PCED1A: variants seen among roughly 807,000 people sequenced by gnomAD.
PCED1A encodes the protein PC-esterase domain containing 1A.
A neutral mutation model predicts 41.9 loss-of-function variants in PCED1A; 20 were observed. The ratio of observed to expected loss-of-function variants is 0.48; its 90% CI spans 0.34 to 0.69. The LOEUF is 0.69. PCED1A is among the 30% of genes least tolerant of loss of function. PCED1A has a pLI of 0.01. For synonymous variants in PCED1A, 236 were observed against 241.3 expected, an observed-to-expected ratio of 0.98 and a Z score of 0.20; for missense variants, 498 against 602.1, an observed-to-expected ratio of 0.83 and a Z score of 1.81.
At chr20:2,837,020 C>CCT (rs2088846909) in intron 6 of PCED1A, among the ~76,000 whole-genome samples, 1 of 152,128 alleles carries the variant, frequency 6.6e-6, no homozygotes, top group African/African-American at 2.4e-5. Context: ...TTCCAAAGAA[C>CCT]CTCAAATCAA....
Position 2,836,298 on chromosome 20 carries a change from GT to G in PCED1A, c.857del (p.Asp286AlafsTer5). Reference protein sequence around the residue: ...RGYPPDPWIEDWAEMNHPFQG... With the variant: ...RGYPPDPWIEXWAEMNHPFQG... ...GGAATGGATGATTCATCTCTGCCCA[GT>G]CCTCAATCCACGGGTCTAGGAATGG... On this transcript the variant is annotated frameshift_variant, in exon 7 of 8. Transcript: ENST00000360652. LOFTEE classifies it high-confidence loss of function. 6.2e-7 allele frequency: 1 copy of G among 1,614,134 alleles called. No homozygotes were observed. Among genetic ancestry groups the G allele is most frequent in the South Asian group, 1.1e-5 (1 of 91,074 alleles).
At chr20:2,837,464 A>G (rs1015822629) in intron 6 of PCED1A, among the ~76,000 whole-genome samples, 2 of 152,214 alleles carry the variant, frequency 1.3e-5, no homozygotes, top group Non-Finnish European at 2.9e-5. Context: ...TGCAGCAGGA[A>G]ACTTGCCCTT....
upstream of PCED1A, chr20:2,840,692 C>A (rs1288539333): frequency 2.8e-6 from 4 of 1,454,430 alleles, no homozygotes; most frequent in Non-Finnish European, 2.8e-6. Context: ...GTGACCCGGA[C>A]GGGCGGAAGC....
rs1377037809 is a variant in PCED1A at position 2,838,392 on chromosome 20, A to G, written c.681T>C (p.Asp227=). 2 of 1,614,248 alleles carry G rather than the reference A, an allele frequency of 1.2e-6. No individual in the cohort carries two copies. Among genetic ancestry groups the G allele is most frequent in the Non-Finnish European group, 1.7e-6 (2 of 1,180,036 alleles). The change falls in exon 6 of 8, where the codon GAT becomes GAC. Residue 227 remains aspartate (D), a synonymous_variant. Transcript: ENST00000360652. The surrounding 1 kb of genome is among the most constrained non-coding windows in gnomAD (Gnocchi z 5.8). ...GGAAGTGAAAGTGGAGGTCTAGGAC[A>G]TCAAAGCAGTGGTCCCCGGCCAGCG... is the stretch of plus-strand genomic sequence containing the variant. ...SATLAGDHCF[D]VLDLHFHFRH... is the part of the protein sequence containing the mutation.
At position 2,840,154 on chromosome 20, in the gene PCED1A, C is replaced by A. The variant is rs888760126; in HGVS notation, c.-22+57G>T. On this transcript the variant is annotated intron_variant, in intron 1 of 7. Transcript: ENST00000360652. ...GCTTCCCGCGCGGCGCCGCCCTGCG[C>A]CTCGCCACGTGCCCGCCGCCGTCCC... The A allele has an allele frequency of 2.8e-5, 11 of 398,154 alleles. No individual in the cohort carries two copies. In the East Asian group the frequency reaches 4.7e-4, roughly 17 times the overall value. 24.7% of individuals were successfully genotyped at this position (398,154 alleles called of 1,614,324 possible). A position where few individuals can be genotyped will look rare whatever the true frequency, so the allele number is the denominator to read the frequency against.
At position 2,840,228 on chromosome 20, in the gene PCED1A, C is replaced by T. The variant is rs933156019; in HGVS notation, c.-39G>A. On this transcript the variant is annotated 5_prime_UTR_variant, in exon 1 of 8. Coordinates refer to ENST00000360652, the MANE Select transcript of PCED1A (RefSeq NM_022760.6). The stretch of plus-strand genomic sequence containing the variant: ...CCAATTACCAAGTCCCGGGGCTCCG[C>T]GGTGTTCACCCGCGACCCGGGTATG... 2.6e-5 allele frequency: 7 copies of T among 269,682 alleles called. No homozygotes were observed. The highest frequency in any genetic ancestry group is 2.4e-4 in the South Asian group (3 of 12,524). 16.7% of individuals were successfully genotyped at this position (269,682 alleles called of 1,614,324 possible). A position where few individuals can be genotyped will look rare whatever the true frequency, so the allele number is the denominator to read the frequency against.
chr20:2,835,843 C>A, intron 7 of PCED1A, 134 bp from the exon 8 acceptor site: 1 of 1,466,480 alleles, frequency 6.8e-7, no homozygotes, highest in Non-Finnish European at 9.1e-7. Context: ...CCTTCCCCTA[C>A]CTTCAGACGG....
Position 2,838,885 on chromosome 20 carries a change from C to G in PCED1A, c.402G>C (p.Pro134=), listed in dbSNP as rs200852591. 2 of 1,614,124 alleles carry G rather than the reference C, an allele frequency of 1.2e-6. No individual in the cohort carries two copies. The highest frequency in any genetic ancestry group is 1.1e-5 in the South Asian group (1 of 91,078). ...GGCAGGAGTTGATGATCACCAGGTC[C>G]GGGGCAGGTCCATATGTCAGCTCTT... ...VLEELTYGPA[P]DLVIINSCLW... is the part of the protein sequence containing the mutation. The change falls in exon 4 of 8, where the codon CCG becomes CCC. Residue 134 remains proline (P), a synonymous_variant. Transcript: ENST00000360652. The surrounding 1 kb of genome is among the most constrained non-coding windows in gnomAD (Gnocchi z 5.8).
At position 2,836,042 on chromosome 20, in the gene PCED1A, A is replaced by G. The variant is rs769708727; in HGVS notation, c.1114T>C (p.Leu372=). 2.0e-6 allele frequency: 3 copies of G among 1,477,912 alleles called. No individual in the cohort carries two copies. Among genetic ancestry groups the G allele is most frequent in the Non-Finnish European group, 2.7e-6 (3 of 1,111,490 alleles). The allele number at this position is 1,477,912 out of a possible 1,614,324, so 91.5% of individuals were successfully genotyped here. A position where few individuals can be genotyped will look rare whatever the true frequency, so the allele number is the denominator to read the frequency against. ...GGGGAGCTGCAGAAGCACCTACCTA[A>G]GTGGGGTGGCATCGAGAAGTCCTCC... ...PVEDFSMPPH[L]GCGPGVNFVP... Residue 372 remains leucine (L), a synonymous_variant, in exon 7 of 8, where the codon TTA becomes CTA. Transcript: ENST00000360652.
intron 1 of PCED1A, 99 bp downstream of exon 1, chr20:2,840,112 C>A: frequency 1.8e-6 from 1 of 567,052 alleles, no homozygotes; most frequent in East Asian, 3.4e-5. Flanking sequence ...GCCAGCAGGC[C>A]TCCAGGGCAC....
At position 2,838,625 on chromosome 20, in the gene PCED1A, GT is replaced by G. The variant is rs754231866; in HGVS notation, c.564del (p.Glu188AspfsTer42). 5.6e-6 allele frequency: 9 copies of G among 1,614,174 alleles called. No individual in the cohort carries two copies. The highest frequency in any genetic ancestry group is 4.2e-6 in the Non-Finnish European group (5 of 1,180,034). On this transcript the variant is annotated frameshift_variant, in exon 5 of 8. Transcript: ENST00000360652. LOFTEE classifies it high-confidence loss of function. This position sits in a 1 kb window ranked among gnomAD's most constrained non-coding sequence, Gnocchi z 5.8. ...GGCAGGAGGAAACCCCCAGTGATAC[GT>G]TCCCCGAGGGGCATCGCCATGTTCC... ...LVWNMAMPLG[E>X]RITGGFLLPE...
At chr20:2,835,731 T>C (rs757714765) in intron 7 of PCED1A, 22 bp from the exon 8 acceptor site, 1 of 1,530,048 alleles carries the variant, frequency 6.5e-7, no homozygotes, top group South Asian at 1.3e-5. Flanking sequence ...CCAGTCATTA[T>C]AAGAGCAGGC....
At chr20:2,835,813 A>G in intron 7 of PCED1A, 104 bp from the exon 8 acceptor site, 1 of 1,494,958 alleles carries the variant, frequency 6.7e-7, no homozygotes, top group Non-Finnish European at 8.9e-7. Context: ...CTGTTTCCCT[A>G]TCTACAAAAA....
chr20:2,836,257 T>C lies in PCED1A; in HGVS notation c.899A>G (p.Gln300Arg). The C allele has an allele frequency of 6.2e-7, 1 of 1,614,180 alleles. No individual in the cohort carries two copies. The highest frequency in any genetic ancestry group is 1.1e-5 in the South Asian group (1 of 91,088). Residue 300 changes from glutamine (Q) to arginine (R), a missense_variant, in exon 7 of 8, where the codon CAG becomes CGG. Physicochemically the swap from Gln to Arg is conservative, Grantham distance 43 (BLOSUM62 1). Transcript: ENST00000360652. ...CAGGTGCTCCCCGAAGTCTGGGGTC[T>C]GCCTATGGCTTCCCTGGAATGGATG... ...MNHPFQGSHR[Q>R]TPDFGEHLAL...
upstream of PCED1A, chr20:2,840,834 T>TGGGG: frequency 6.5e-7 from 1 of 1,538,670 alleles, no homozygotes; most frequent in Non-Finnish European, 8.8e-7. Context: ...ACCGGTGAGC[T>TGGGG]GCCCCGCCCT....
rs976368891 is a variant in PCED1A at position 2,839,242 on chromosome 20, G to A, written c.154C>T (p.Leu52Phe). Residue 52 changes from leucine to phenylalanine, a missense_variant, in exon 3 of 8, where the codon CTC (leucine) becomes TTC (phenylalanine). Physicochemically the swap from Leu to Phe is conservative, Grantham distance 22. This residue lies in a region of PCED1A where 253 missense variants were observed against 369.7 expected (regional missense o/e 0.68). Coordinates refer to ENST00000360652, the MANE Select transcript of PCED1A (RefSeq NM_022760.6). Reference sequence around the variant, plus strand: ...AGCAGTGAGTCTTTCTGGAGCAAGAGCACCAGGTCCTTGTACACAGCCCTC... The same window carrying A: ...AGCAGTGAGTCTTTCTGGAGCAAGAACACCAGGTCCTTGTACACAGCCCTC... Reference protein sequence around the residue: ...IQRAVYKDLVLLLQKDSLLTA... With the variant: ...IQRAVYKDLVFLLQKDSLLTA... 1.4e-5 allele frequency: 22 copies of A among 1,613,910 alleles called. No individual in the cohort carries two copies. Among genetic ancestry groups the A allele is most frequent in the Non-Finnish European group, 1.9e-5 (22 of 1,180,018 alleles).
In PCED1A at chr20:2,835,601, C is replaced by G. The variant is rs564202048; in HGVS notation, c.1226G>C (p.Arg409Pro). ...ATGGTAGGGGCTGTTAGGAACATAGCGTGGCATCCCCCGGTGGACCACTGG... is the reference window on the plus strand; with the variant it reads ...ATGGTAGGGGCTGTTAGGAACATAGGGTGGCATCCCCCGGTGGACCACTGG... ...WGPVVHRGMP[R>P]YVPNSPYHVR... is the part of the protein sequence containing the mutation. Residue 409 changes from arginine (R) to proline (P), a missense_variant, in exon 8 of 8, where the codon CGC (arginine) becomes CCC (proline). By Grantham distance (103) the Arg-to-Pro change is moderately radical. Transcript: ENST00000360652. The G allele has an allele frequency of 6.2e-7, 1 of 1,613,850 alleles. No homozygotes were observed.
intron 7 of PCED1A, 55 bp from the exon 8 acceptor site, chr20:2,835,764 T>A: frequency 6.6e-7 from 1 of 1,510,916 alleles, no homozygotes; most frequent in Non-Finnish European, 8.9e-7. Flanking sequence ...TGAGTGCAGC[T>A]CTGCCTTGAA....
chr20:2,835,719 AAC>A lies in PCED1A; in HGVS notation c.1118-12_1118-11del. 2.0e-6 allele frequency: 3 copies of A among 1,536,676 alleles called. No individual in the cohort carries two copies. The highest frequency in any genetic ancestry group is 2.6e-6 in the Non-Finnish European group (3 of 1,137,808). On this transcript the variant is annotated splice_polypyrimidine_tract_variant and intron_variant, in intron 7 of 7. Transcript: ENST00000360652. ...ACTCCAGGGCCACATCCTACAAAAG[AAC>A]CAGTCATTATAAGAGCAGGCTTCTG... is the stretch of plus-strand genomic sequence containing the variant.
Sources: gnomAD v4.1 joint callset for allele counts (sites outside exome capture counted in the v4.1 genomes callset) on GRCh38, gnomAD v4.1.1 for gene constraint, gnomAD v4.1.1 regional missense constraint, Gnocchi (gnomAD v3.1) non-coding constraint, MANE v1.5 for transcripts, NCBI Gene and HGNC (gene_info 2026-07-23, HGNC 2026-07-21) for gene names.